Variants in MOB1B observed in about 807,000 individuals in gnomAD.
MOB1B encodes MOB1 Mps One Binder homolog B.
MOB1B carries 19 observed loss-of-function variants against 24.4 expected under a neutral mutation model. The ratio of observed to expected loss-of-function variants is 0.78; its 90% CI spans 0.54 to 1.14. The LOEUF is 1.14. MOB1B is among the 50% of genes most tolerant of loss of function. The pLI is 0.00. For synonymous variants in MOB1B, 76 were observed against 82.1 expected (o/e 0.93, Z 0.40); for missense variants, 243 against 259.6 (o/e 0.94, Z 0.44).
chr4:70,944,922 A>G (rs1158816410), intron 1 of MOB1B, among the ~76,000 whole-genome samples: 2 of 152,172 alleles, frequency 1.3e-5, no homozygotes, highest in African/African-American at 2.4e-5. Flanking sequence ...TTACAATTCA[A>G]CATGAGATTT....
chr4:70,940,903 C>T (rs1737305699), intron 1 of MOB1B, among the ~76,000 whole-genome samples: 1 of 151,944 alleles, frequency 6.6e-6, no homozygotes, highest in Admixed American at 6.6e-5. Flanking sequence ...GAACTCCTGA[C>T]CTCAGGTGAT....
intron 1 of MOB1B, among the ~76,000 whole-genome samples, chr4:70,905,632 T>C (rs1175708552): frequency 6.6e-6 from 1 of 152,162 alleles, no homozygotes; most frequent in Non-Finnish European, 1.5e-5. Context: ...CTCCCGTTCT[T>C]GGAAGCTTAC....
intron 1 of MOB1B, among the ~76,000 whole-genome samples, chr4:70,919,070 A>T (rs1323388891): frequency 1.3e-5 from 2 of 151,710 alleles, no homozygotes; most frequent in African/African-American, 4.8e-5. Flanking sequence ...AAAAAACCAA[A>T]CACTGCATAT....
chr4:70,909,035 AGT>A (rs1443238147), intron 1 of MOB1B, among the ~76,000 whole-genome samples: 1 of 149,892 alleles, frequency 6.7e-6, no homozygotes. Context: ...TGGGCGACAG[AGT>A]GAGACTCCAT....
Position 70,919,643 on chromosome 4 carries a change from C to T in MOB1B, c.14+17093C>T, listed in dbSNP as rs553271341. 1.9e-3 allele frequency among the ~76,000 whole-genome samples: 289 copies of T among 152,224 alleles called. 1 individual carries two copies. The highest frequency in any genetic ancestry group is 6.5e-3 in the African/African-American group (270 of 41,532). On this transcript the variant is annotated intron_variant, in intron 1 of 5. Transcript: ENST00000309395. ...GCTCCCAGGTAGCCAGGACTACAGG[C>T]GCGCACCACCATGCCAGGCTAATTT...
intron 1 of MOB1B, among the ~76,000 whole-genome samples, chr4:70,925,777 A>G (rs960568014): frequency 2.0e-5 from 3 of 152,222 alleles, no homozygotes; most frequent in Non-Finnish European, 4.4e-5. Flanking sequence ...CTTGGATTCA[A>G]TATAACACCA....
chr4:70,951,279 TC>T (rs1302267296), intron 1 of MOB1B, among the ~76,000 whole-genome samples: 2 of 152,128 alleles, frequency 1.3e-5, no homozygotes, highest in Non-Finnish European at 1.5e-5. Context: ...AAAGTTGTCT[TC>T]CGTGAAACTG....
intron 1 of MOB1B, among the ~76,000 whole-genome samples, chr4:70,952,658 A>AC (rs1377875598): frequency 5.3e-5 from 8 of 150,954 alleles, no homozygotes; most frequent in Admixed American, 5.3e-4. Flanking sequence ...AAAAAAAAAA[A>AC]ACAAAACAAA....
At chr4:70,902,168 G>C (rs1159414749), upstream of MOB1B, among the ~76,000 whole-genome samples, 1 of 152,186 alleles carries the variant, frequency 6.6e-6, no homozygotes, top group Non-Finnish European at 1.5e-5. Context: ...CCTAGCAGCA[G>C]AGGAGACCAG....
chr4:70,909,124 T>C (rs1735878404), intron 1 of MOB1B, among the ~76,000 whole-genome samples: 1 of 152,068 alleles, frequency 6.6e-6, no homozygotes, highest in Non-Finnish European at 1.5e-5. Context: ...TGTCTCTGTT[T>C]CTCTCTAGAC....
At chr4:70,916,842 T>C (rs1736215816) in intron 1 of MOB1B, among the ~76,000 whole-genome samples, 1 of 152,244 alleles carries the variant, frequency 6.6e-6, no homozygotes, top group Admixed American at 6.5e-5. Context: ...CTGCTGGGAT[T>C]ACAGGCATGA....
chr4:70,986,618 A>G lies in MOB1B; in HGVS notation c.*4561A>G, dbSNP rs974519196. ...TTTTAAAATTAAAGAATATATACCA[A>G]TTCTTAGAAACACTTTAAGGACTAC... On this transcript the variant is annotated 3_prime_UTR_variant, in exon 6 of 6. Transcript: ENST00000309395. The G allele has an allele frequency of 6.6e-6, 1 of 152,152 alleles. No homozygotes were observed. Among genetic ancestry groups the G allele is most frequent in the African/African-American group, 2.4e-5 (1 of 41,456 alleles). The allele number at this position is 152,152 out of a possible 1,614,324, so 9.4% of individuals were successfully genotyped here. A position where few individuals can be genotyped will look rare whatever the true frequency, so the allele number is the denominator to read the frequency against.
chr4:70,902,155 G>A (rs1337081845), upstream of MOB1B, among the ~76,000 whole-genome samples: 1 of 152,160 alleles, frequency 6.6e-6, no homozygotes, highest in Non-Finnish European at 1.5e-5. Flanking sequence ...GCTGGGCGTC[G>A]TCCCTAGCAG....
chr4:70,952,744 G>A (rs899461997), intron 1 of MOB1B, among the ~76,000 whole-genome samples: 2 of 151,622 alleles, frequency 1.3e-5, no homozygotes, highest in Non-Finnish European at 2.9e-5. Flanking sequence ...TGGGGTAAGA[G>A]GGCAGCATAC....
At chr4:70,959,878 TTTTTTA>T (rs200573309) in intron 2 of MOB1B, among the ~76,000 whole-genome samples, 1,953 of 152,190 alleles carry the variant, frequency 0.013, 36 homozygotes, top group African/African-American at 0.045. Context: ...TAATTGTGCT[TTTTTTA>T]TTTTTATTTT....
chr4:70,910,328 A>G (rs923396028), intron 1 of MOB1B, among the ~76,000 whole-genome samples: 12 of 152,128 alleles, frequency 7.9e-5, no homozygotes, highest in South Asian at 2.1e-4. Context: ...GGTGCTAGCC[A>G]TTGCGCCCAG....
intron 1 of MOB1B, among the ~76,000 whole-genome samples, chr4:70,919,210 A>T (rs1256578327): frequency 6.6e-6 from 1 of 152,078 alleles, no homozygotes; most frequent in Admixed American, 6.6e-5. Flanking sequence ...CTAATGCTAG[A>T]TGACGAGTTA....
intron 2 of MOB1B, among the ~76,000 whole-genome samples, chr4:70,963,840 CAAAA>C (rs765584161): frequency 3.3e-5 from 5 of 151,130 alleles, no homozygotes; most frequent in Admixed American, 6.6e-5. Flanking sequence ...AAAAACAAAA[CAAAA>C]AAAACCCCAA....
In MOB1B at chr4:70,908,459, C is replaced by A. The variant is rs72852934; in HGVS notation, c.14+5909C>A. On this transcript the variant is annotated intron_variant, in intron 1 of 5. Coordinates refer to ENST00000309395, the MANE Select transcript of MOB1B (RefSeq NM_173468.4). ...TACTTACTGAGCACTGTGCTACATA[C>A]CTTCCATTTGTCATTCTTAAGATTA... Among the ~76,000 whole-genome samples, 300 of 151,662 alleles carry A rather than the reference C, an allele frequency of 2.0e-3. 3 individuals are homozygous for A. Among genetic ancestry groups the A allele is most frequent in the African/African-American group, 7.0e-3 (289 of 41,340 alleles).
Sources: allele counts gnomAD v4.1 joint callset (sites outside exome capture counted in the v4.1 genomes callset), GRCh38; gene constraint gnomAD v4.1.1; transcripts MANE v1.5; gene names NCBI Gene and HGNC (gene_info 2026-07-23, HGNC 2026-07-21).